The following HYCC1 variants were observed in gnomAD, a reference collection of about 807,000 sequenced individuals.
The protein encoded by HYCC1 is hyccin PI4KA lipid kinase complex subunit 1.
At chr7:22,898,604 C>CT in the HYCC1 span, among the ~76,000 whole-genome samples, 7,021 of 39,766 alleles carry the variant, frequency 0.18, 351 homozygotes, top group African/African-American at 0.26. Context: ...CTTTTCTTTT[C>CT]TTTTTTTTTT....
the HYCC1 span, among the ~76,000 whole-genome samples, chr7:22,924,292 G>C: frequency 2.0e-5 from 3 of 152,142 alleles, no homozygotes; most frequent in Admixed American, 6.5e-5. Flanking sequence ...ATTTCCAACT[G>C]AGGTAACGGG....
the HYCC1 span, among the ~76,000 whole-genome samples, chr7:22,954,231 A>G: frequency 6.6e-6 from 1 of 151,112 alleles, no homozygotes; most frequent in African/African-American, 2.4e-5. Flanking sequence ...ATATTTATAA[A>G]CAATTATTAT....
the HYCC1 span, among the ~76,000 whole-genome samples, chr7:22,951,812 G>A: frequency 6.6e-6 from 1 of 151,868 alleles, no homozygotes; most frequent in Non-Finnish European, 1.5e-5. Flanking sequence ...TAGGGAAAAT[G>A]TCTGACAATA....
chr7:22,914,946 G>A, the HYCC1 span, among the ~76,000 whole-genome samples: 2 of 152,116 alleles, frequency 1.3e-5, no homozygotes, highest in Non-Finnish European at 2.9e-5. Context: ...TCTTAAAGAG[G>A]TGGCCGGAGC....
At chr7:22,974,810 G>A in the HYCC1 span, among the ~76,000 whole-genome samples, 1 of 152,194 alleles carries the variant, frequency 6.6e-6, no homozygotes, top group Non-Finnish European at 1.5e-5. Context: ...AACCCAGTCA[G>A]GGGGTAATTG....
chr7:22,916,477 C>T, the HYCC1 span, among the ~76,000 whole-genome samples: 1 of 152,196 alleles, frequency 6.6e-6, no homozygotes, highest in Non-Finnish European at 1.5e-5. Context: ...TCATTACACG[C>T]AGGCAAAGTA....
chr7:22,984,058 A>T, the HYCC1 span: 20 of 1,440,510 alleles, frequency 1.4e-5, no homozygotes, highest in Admixed American at 8.4e-5. Flanking sequence ...AAACAAATTT[A>T]AAAAAATACA....
chr7:22,967,290 G>A, the HYCC1 span, among the ~76,000 whole-genome samples: 2 of 152,148 alleles, frequency 1.3e-5, no homozygotes, highest in African/African-American at 2.4e-5. Flanking sequence ...AGTCAGAGAG[G>A]AATTCTCAGA....
the HYCC1 span, among the ~76,000 whole-genome samples, chr7:22,911,043 A>G: frequency 6.6e-6 from 1 of 152,226 alleles, no homozygotes; most frequent in Non-Finnish European, 1.5e-5. Flanking sequence ...TACAGCTGAT[A>G]ACATTTCATG....
chr7:22,936,227 C>T, the HYCC1 span: 16 of 151,874 alleles, frequency 1.1e-4, no homozygotes, highest in African/African-American at 3.9e-4. Context: ...GTTGTCTCTC[C>T]ATGAAAGAAA....
chr7:22,989,978 G>C, the HYCC1 span, among the ~76,000 whole-genome samples: 1 of 152,112 alleles, frequency 6.6e-6, no homozygotes, highest in Non-Finnish European at 1.5e-5. Flanking sequence ...GTTTGTTGTT[G>C]AACATGTATC....
At chr7:22,989,444 C>A in the HYCC1 span, among the ~76,000 whole-genome samples, 1 of 152,116 alleles carries the variant, frequency 6.6e-6, no homozygotes, top group South Asian at 2.1e-4. Flanking sequence ...AATTCCTGGG[C>A]TCAAGTGTTC....
At chr7:22,928,034 C>T in the HYCC1 span, among the ~76,000 whole-genome samples, 56 of 152,196 alleles carry the variant, frequency 3.7e-4, no homozygotes, top group Middle Eastern at 3.4e-3. Flanking sequence ...GTTCAATATA[C>T]GAAAATCAAT....
the HYCC1 span, among the ~76,000 whole-genome samples, chr7:22,931,462 G>A: frequency 1.3e-5 from 2 of 152,114 alleles, no homozygotes; most frequent in African/African-American, 4.8e-5. Context: ...AGGGCATGGG[G>A]TGCTGCCATA....
chr7:22,986,427 T>C, the HYCC1 span, among the ~76,000 whole-genome samples: 1 of 152,224 alleles, frequency 6.6e-6, no homozygotes, highest in African/African-American at 2.4e-5. Context: ...ACATTTAAAT[T>C]TTCTCACACT....
At chr7:22,955,781 A>G in the HYCC1 span, among the ~76,000 whole-genome samples, 1 of 151,694 alleles carries the variant, frequency 6.6e-6, no homozygotes, top group Admixed American at 6.6e-5. Flanking sequence ...CTGGAGTGGT[A>G]GAGAACTTTT....
At chr7:22,905,090 T>C in the HYCC1 span, among the ~76,000 whole-genome samples, 1 of 152,238 alleles carries the variant, frequency 6.6e-6, no homozygotes, top group South Asian at 2.1e-4. Context: ...CCAGATCTTT[T>C]GTGAACTCAC....
chr7:22,920,793 AT>A, the HYCC1 span, among the ~76,000 whole-genome samples: 71 of 152,196 alleles, frequency 4.7e-4, 2 homozygotes, highest in South Asian at 8.3e-3. Context: ...TTGAAATGTG[AT>A]TCTCAATGTT....
At chr7:22,934,198 T>C in the HYCC1 span, 1 of 128,592 alleles carries the variant, frequency 7.8e-6, no homozygotes, top group African/African-American at 2.7e-5. Flanking sequence ...TTTCCGCCTC[T>C]TTTTTTTCTT....
Sources: gnomAD v4.1 joint callset for allele counts (sites outside exome capture counted in the v4.1 genomes callset) on GRCh38, gnomAD v4.1.1 for gene constraint, MANE v1.5 for transcripts, NCBI Gene and HGNC (gene_info 2026-07-23, HGNC 2026-07-21) for gene names.